The following C10orf90 variants were observed in gnomAD, a reference collection of about 807,000 sequenced individuals.
C10orf90 encodes the protein chromosome 10 open reading frame 90, also known as (E2-independent) E3 ubiquitin-conjugating enzyme FATS.
C10orf90 carries 56 observed loss-of-function variants against 62.5 expected under a neutral mutation model. That is an observed-to-expected ratio of 0.90 (90% CI 0.72 to 1.12). The LOEUF is 1.12. Ranked by LOEUF, C10orf90 falls within the 50% of genes most tolerant of loss-of-function variation. The pLI is 0.00. For synonymous variants in C10orf90, 386 were observed against 340.4 expected (o/e 1.13, Z -1.47); for missense variants, 970 against 880.4 (o/e 1.10, Z -1.29).
rs1564874067 is a variant in C10orf90, at chr10:126,565,147, A to ATATGTAATATAATATTTATATTACATAT, written c.314-51236_314-51209dup. On this transcript the variant is annotated intron_variant, in intron 2 of 9. Coordinates refer to ENST00000488181, the MANE Select transcript of C10orf90 (RefSeq NM_001350921.2). ...ATATATAATATAAATATAATATTAA[A>ATATGTAATATAATATTTATATTACATAT]TATGTAATATAATATTTATATTACA... Among the ~76,000 whole-genome samples, 33 of 18,638 alleles carry ATATGTAATATAATATTTATATTACATAT rather than the reference A, an allele frequency of 1.8e-3. 3 individuals carry two copies. Among genetic ancestry groups the ATATGTAATATAATATTTATATTACATAT allele is most frequent in the African/African-American group, 9.0e-3 (25 of 2,782 alleles). The allele number at this position is 18,638 out of a possible 152,430, so 12.2% of individuals were successfully genotyped here. A position where few individuals can be genotyped will look rare whatever the true frequency, so the allele number is the denominator to read the frequency against.
intron 2 of C10orf90, among the ~76,000 whole-genome samples, chr10:126,586,560 T>C (rs1844874750): frequency 1.3e-5 from 2 of 152,194 alleles, no homozygotes; most frequent in South Asian, 2.1e-4. Context: ...AATGGCCATT[T>C]ACATCCTTTT....
intron 5 of C10orf90, among the ~76,000 whole-genome samples, chr10:126,463,622 A>G (rs561466827): frequency 5.3e-5 from 8 of 152,256 alleles, no homozygotes; most frequent in East Asian, 1.9e-4. Flanking sequence ...CACTTGCGTC[A>G]TGTGTGCCTT....
At chr10:126,540,858 T>C (rs532878435) in intron 2 of C10orf90, among the ~76,000 whole-genome samples, 24 of 152,290 alleles carry the variant, frequency 1.6e-4, no homozygotes, top group East Asian at 1.5e-3. Context: ...GGGAATTTAG[T>C]TTATGAAAGG....
At chr10:126,429,640 A>T in intron 8 of C10orf90, 147 bp downstream of exon 8, 1 of 634,820 alleles carries the variant, frequency 1.6e-6, no homozygotes, top group Non-Finnish European at 2.8e-6. Flanking sequence ...TACTTATTTT[A>T]GCCGTTTTTT....
At chr10:126,483,224 T>G (rs750727836) in intron 4 of C10orf90, among the ~76,000 whole-genome samples, 2 of 152,246 alleles carry the variant, frequency 1.3e-5, no homozygotes, top group Admixed American at 1.3e-4. Flanking sequence ...GAGCATTTCA[T>G]TCTTCGCAGG....
chr10:126,490,665 A>G (rs1861718656), intron 4 of C10orf90, among the ~76,000 whole-genome samples: 1 of 152,262 alleles, frequency 6.6e-6, no homozygotes, highest in South Asian at 2.1e-4. Flanking sequence ...TAAAAAAAGA[A>G]GAAAGAACTA....
intron 2 of C10orf90, among the ~76,000 whole-genome samples, chr10:126,551,461 T>C (rs987621427): frequency 6.6e-6 from 1 of 152,146 alleles, no homozygotes; most frequent in African/African-American, 2.4e-5. Flanking sequence ...GCAGTAGATA[T>C]CTCAGAAACA....
chr10:126,644,769 C>G (rs576824475), intron 2 of C10orf90, among the ~76,000 whole-genome samples: 1 of 152,176 alleles, frequency 6.6e-6, no homozygotes, highest in Non-Finnish European at 1.5e-5. Context: ...CACCAGGCCT[C>G]GTTGTTCTCA....
intron 4 of C10orf90, among the ~76,000 whole-genome samples, chr10:126,467,969 A>G (rs13328764): frequency 0.033 from 4,953 of 152,256 alleles, 301 homozygotes; most frequent in African/African-American, 0.11. Context: ...CACTCACCTC[A>G]ACTGTGGGTT....
intron 4 of C10orf90, among the ~76,000 whole-genome samples, chr10:126,477,191 G>A (rs1208167486): frequency 1.5e-5 from 2 of 129,232 alleles, no homozygotes; most frequent in Non-Finnish European, 3.1e-5. Flanking sequence ...GCTGAGTGTT[G>A]TTTTATTTAA....
intron 4 of C10orf90, among the ~76,000 whole-genome samples, chr10:126,470,490 G>C (rs1860524652): frequency 6.6e-6 from 1 of 152,210 alleles, no homozygotes; most frequent in African/African-American, 2.4e-5. Flanking sequence ...AGCATGTTGG[G>C]AGGCTGAGGC....
At chr10:126,583,868 C>A (rs142063405) in intron 2 of C10orf90, among the ~76,000 whole-genome samples, 4 of 152,208 alleles carry the variant, frequency 2.6e-5, no homozygotes, top group South Asian at 2.1e-4. Flanking sequence ...ATAATCCCAG[C>A]GTTTTGGGAG....
chr10:126,439,977 T>G (rs1858199074), intron 7 of C10orf90, among the ~76,000 whole-genome samples: 1 of 151,942 alleles, frequency 6.6e-6, no homozygotes, highest in South Asian at 2.1e-4. Flanking sequence ...CAGCCAGAGG[T>G]GCAGGGAAAA....
rs7921451 is a variant in C10orf90 at position 126,617,000 on chromosome 10, G to C, written c.313+29565C>G. The stretch of plus-strand genomic sequence containing the variant: ...CGGGAGACAAAAATTCCTGGACTGT[G>C]TTTCTGCCAAATCTCTCGGACATCA... On this transcript the variant is annotated intron_variant, in intron 2 of 9. Coordinates refer to ENST00000488181, the MANE Select transcript of C10orf90 (RefSeq NM_001350921.2). 3.3e-3 allele frequency among the ~76,000 whole-genome samples: 502 copies of C among 152,250 alleles called. 3 individuals carry two copies. The highest frequency in any genetic ancestry group is 0.012 in the African/African-American group (490 of 41,538).
In C10orf90 at chr10:126,512,671, G is replaced by A. The variant is rs1348937041; in HGVS notation, c.405+1177C>T. On this transcript the variant is annotated intron_variant, in intron 3 of 9. Transcript: ENST00000488181. ...CTCCTAACTGGCATCTCCACCCAAG[G>A]ACAGCTCTCAGTGATCCACTGCTCT... Among the ~76,000 whole-genome samples the A allele has an allele frequency of 2.0e-5, 3 of 152,150 alleles. No individual in the cohort carries two copies. The East Asian group carries it at 5.8e-4, about 29-fold the overall frequency.
rs1212553749 is a variant in C10orf90 at position 126,567,217 on chromosome 10, G to C, written c.314-53278C>G. 2.6e-5 allele frequency among the ~76,000 whole-genome samples: 4 copies of C among 152,194 alleles called. No homozygotes were observed. The East Asian group carries it at 7.7e-4, about 29-fold the overall frequency. On this transcript the variant is annotated intron_variant, in intron 2 of 9. Transcript: ENST00000488181. ...TAACTGGCTCACGGTTCTGCAGGCT[G>C]GGGTAGCATGGCTGGGAAAGCCTCA...
At chr10:126,585,940 A>G (rs1486327951) in intron 2 of C10orf90, among the ~76,000 whole-genome samples, 1 of 152,210 alleles carries the variant, frequency 6.6e-6, no homozygotes, top group Admixed American at 6.5e-5. Context: ...AAATTCAGAT[A>G]CTTGCTAAAG....
intron 4 of C10orf90, among the ~76,000 whole-genome samples, chr10:126,481,747 G>A (rs1294273276): frequency 6.6e-6 from 1 of 152,060 alleles, no homozygotes; most frequent in Non-Finnish European, 1.5e-5. Context: ...TCCTCCTCCA[G>A]GGCAGGTCAC....
intron 2 of C10orf90, among the ~76,000 whole-genome samples, chr10:126,529,730 A>G (rs1236802211): frequency 6.6e-6 from 1 of 152,236 alleles, no homozygotes; most frequent in African/African-American, 2.4e-5. Context: ...TGGTGAGGAC[A>G]TCAGACAACA....
Sources: gnomAD v4.1 joint callset for allele counts (sites outside exome capture counted in the v4.1 genomes callset) on GRCh38, gnomAD v4.1.1 for gene constraint, MANE v1.5 for transcripts, NCBI Gene and HGNC (gene_info 2026-07-23, HGNC 2026-07-21) for gene names.